The following PRKN variants were observed in gnomAD, a reference collection of about 807,000 sequenced individuals.
PRKN encodes E3 ubiquitin-protein ligase parkin.
In PRKN, 56 loss-of-function variants were observed where a neutral mutation model predicts 59.5. That is an observed-to-expected ratio of 0.94 (90% CI 0.76 to 1.18). PRKN has a LOEUF of 1.18. Among genes scored for constraint, PRKN ranks in the 50% most tolerant of loss-of-function variants. PRKN has a pLI of 0.00. For missense variants in PRKN, 657 were observed against 596.4 expected (o/e 1.10, Z -1.06); for synonymous variants, 250 against 222.1 (o/e 1.13, Z -1.12).
Position 161,377,083 on chromosome 6 carries a change from A to T in PRKN, c.1167+9711T>A, listed in dbSNP as rs1785741054. On this transcript the variant is annotated intron_variant, in intron 10 of 11. Transcript: ENST00000366898. The surrounding 1 kb of genome is among the most constrained non-coding windows in gnomAD (Gnocchi z 4.2). ...CTGTGCACGCAGGCAGACCCTGTGGATTCCAGGTGTCTGTGGAGGGAAAAG... is the reference window on the plus strand; with the variant it reads ...CTGTGCACGCAGGCAGACCCTGTGGTTTCCAGGTGTCTGTGGAGGGAAAAG... Among the ~76,000 whole-genome samples the T allele has an allele frequency of 6.6e-6, 1 of 152,204 alleles. No homozygotes were observed. The highest frequency in any genetic ancestry group is 1.5e-5 in the Non-Finnish European group (1 of 68,040).
intron 2 of PRKN, among the ~76,000 whole-genome samples, chr6:162,318,095 T>G (rs1296331807): frequency 6.6e-6 from 1 of 152,008 alleles, no homozygotes; most frequent in Non-Finnish European, 1.5e-5. Flanking sequence ...CTCCAGGCCC[T>G]GGTAACTGCT....
chr6:161,653,746 T>G (rs1784234399), intron 7 of PRKN, among the ~76,000 whole-genome samples: 1 of 152,246 alleles, frequency 6.6e-6, no homozygotes, highest in African/African-American at 2.4e-5. Context: ...TGTGGGTCTT[T>G]ATAGATTTTC....
chr6:161,476,902 C>A (rs989197256), intron 9 of PRKN, among the ~76,000 whole-genome samples: 1 of 152,206 alleles, frequency 6.6e-6, no homozygotes, highest in Admixed American at 6.5e-5. Context: ...CATACAGGAG[C>A]TGCTAACAGA....
At chr6:162,676,378 A>T (rs1779544003) in intron 1 of PRKN, among the ~76,000 whole-genome samples, 1 of 152,234 alleles carries the variant, frequency 6.6e-6, no homozygotes, top group Non-Finnish European at 1.5e-5. Context: ...AGAGGTGAAA[A>T]AAATAAAACT....
intron 9 of PRKN, among the ~76,000 whole-genome samples, chr6:161,404,435 C>T (rs1389030355): frequency 6.6e-6 from 1 of 152,168 alleles, no homozygotes; most frequent in African/African-American, 2.4e-5. Context: ...CCCAGTGACA[C>T]TTTGTGTCTT....
At chr6:161,375,598 T>C (rs1402879426) in intron 10 of PRKN, among the ~76,000 whole-genome samples, 1 of 152,168 alleles carries the variant, frequency 6.6e-6, no homozygotes. Flanking sequence ...TGGTAGATCT[T>C]ACTGGCTCTG....
intron 6 of PRKN, among the ~76,000 whole-genome samples, chr6:161,789,945 T>C (rs529295915): frequency 9.8e-5 from 15 of 152,322 alleles, no homozygotes; most frequent in African/African-American, 3.6e-4. Context: ...CTACTTTGAC[T>C]AAAGTAGGCA....
At chr6:162,370,504 A>T (rs1053363136) in intron 2 of PRKN, among the ~76,000 whole-genome samples, 2 of 152,130 alleles carry the variant, frequency 1.3e-5, no homozygotes, top group African/African-American at 4.8e-5. Context: ...CAAACAAAAG[A>T]TGAAAAAAGT....
chr6:162,381,793 G>A (rs1786501909), intron 2 of PRKN, among the ~76,000 whole-genome samples: 1 of 152,116 alleles, frequency 6.6e-6, no homozygotes, highest in African/African-American at 2.4e-5. Context: ...TGAAGTGAGT[G>A]AGGCCATTAA....
At position 162,401,736 on chromosome 6, in the gene PRKN, A is replaced by G. The variant is rs141835163; in HGVS notation, c.171+41574T>C. On this transcript the variant is annotated intron_variant, in intron 2 of 11. Transcript: ENST00000366898. ...AAAGAAAATATACAAAATTAAAATAAGGAGAATGGTAAATATGAGGGAAAG... is the reference window on the plus strand; with the variant it reads ...AAAGAAAATATACAAAATTAAAATAGGGAGAATGGTAAATATGAGGGAAAG... Among the ~76,000 whole-genome samples, 747 of 152,328 alleles carry G rather than the reference A, an allele frequency of 4.9e-3. 4 individuals carry two copies. The highest frequency in any genetic ancestry group is 0.017 in the African/African-American group (724 of 41,580).
At chr6:161,975,085 C>CTTTT (rs769121865) in intron 5 of PRKN, among the ~76,000 whole-genome samples, 139 of 124,430 alleles carry the variant, frequency 1.1e-3, no homozygotes, top group East Asian at 2.1e-3. Flanking sequence ...ACATATACTT[C>CTTTT]TTTTTTTTTT....
At chr6:162,541,196 T>C (rs368814043) in intron 1 of PRKN, among the ~76,000 whole-genome samples, 120 of 152,242 alleles carry the variant, frequency 7.9e-4, no homozygotes, top group African/African-American at 2.8e-3. Context: ...CTTGCCCTCA[T>C]GTGGGGAGAC....
intron 1 of PRKN, among the ~76,000 whole-genome samples, chr6:162,553,418 A>G (rs35451526): frequency 0.29 from 43,291 of 150,724 alleles, 6,999 homozygotes; most frequent in East Asian, 0.48. Context: ...CAAGGGATAG[A>G]TATAGGGGGG....
chr6:162,083,524 T>C (rs537301588), intron 4 of PRKN, among the ~76,000 whole-genome samples: 1 of 152,108 alleles, frequency 6.6e-6, no homozygotes, highest in Non-Finnish European at 1.5e-5. Context: ...TTGCACAACA[T>C]CTGTATTATT....
At chr6:162,597,064 T>A (rs1781521684) in intron 1 of PRKN, among the ~76,000 whole-genome samples, 1 of 152,238 alleles carries the variant, frequency 6.6e-6, no homozygotes, top group African/African-American at 2.4e-5. Flanking sequence ...CTAGTTCTAG[T>A]AACTAAAAAT....
chr6:161,715,774 G>A (rs1230101954), intron 7 of PRKN, among the ~76,000 whole-genome samples: 1 of 152,228 alleles, frequency 6.6e-6, no homozygotes, highest in East Asian at 1.9e-4. Flanking sequence ...TAGAGCTGAT[G>A]CAGAACCCCA....
intron 1 of PRKN, chr6:162,569,709 C>G: frequency 1.7e-6 from 1 of 585,918 alleles, no homozygotes; most frequent in South Asian, 1.7e-5. Context: ...TCCGAGTCCT[C>G]TGATGTCCTT....
At position 161,822,414 on chromosome 6, in the gene PRKN, G is replaced by A. The variant is rs1046963697; in HGVS notation, c.735-36506C>T. ...CATATGGCTGGGCACGGTGGCTCAC[G>A]CCTGTAATCCCAGCACTTTAGGAAG... is the stretch of plus-strand genomic sequence containing the variant. On this transcript the variant is annotated intron_variant, in intron 6 of 11. Transcript: ENST00000366898. Among the ~76,000 whole-genome samples the A allele has an allele frequency of 1.6e-4, 25 of 152,174 alleles. No individual in the cohort carries two copies. In the East Asian group the frequency reaches 1.7e-3, roughly 11 times the overall value.
At chr6:161,905,030 C>T (rs1050859870) in intron 6 of PRKN, among the ~76,000 whole-genome samples, 1 of 152,102 alleles carries the variant, frequency 6.6e-6, no homozygotes, top group African/African-American at 2.4e-5. Context: ...TCTCCATCTG[C>T]GAAGTTTGGT....
Sources: gnomAD v4.1 joint callset for allele counts (sites outside exome capture counted in the v4.1 genomes callset) on GRCh38, gnomAD v4.1.1 for gene constraint, Gnocchi (gnomAD v3.1) non-coding constraint, MANE v1.5 for transcripts, NCBI Gene and HGNC (gene_info 2026-07-23, HGNC 2026-07-21) for gene names.